MGST2: variants seen among roughly 807,000 people sequenced by gnomAD.
The protein encoded by MGST2 is glutathione peroxidase MGST2.
A neutral mutation model predicts 16.6 loss-of-function variants in MGST2; 9 were observed. The observed-to-expected ratio is 0.54, with a 90% CI of 0.33 to 0.95. The LOEUF (loss-of-function observed/expected upper bound fraction) is 0.95. Among genes scored for constraint, MGST2 ranks in the 40% least tolerant of loss-of-function variants. The pLI is 0.03. For missense variants in MGST2, 159 were observed against 175.1 expected (o/e 0.91, Z 0.52); for synonymous variants, 79 against 68.0 (o/e 1.16, Z -0.79).
At chr4:139,745,083 G>A (rs1729277693), downstream of MGST2, among the ~76,000 whole-genome samples, 1 of 152,186 alleles carries the variant, frequency 6.6e-6, no homozygotes, top group Non-Finnish European at 1.5e-5. Context: ...GGATTAGCAG[G>A]GACTTGACTG....
At chr4:139,709,513 G>C (rs1727659757) in intron 5 of MGST2, among the ~76,000 whole-genome samples, 1 of 152,216 alleles carries the variant, frequency 6.6e-6, no homozygotes, top group African/African-American at 2.4e-5. Flanking sequence ...GCTGTGTCCT[G>C]AGGCATTAAG....
At chr4:139,675,789 A>C (rs1338869906) in intron 1 of MGST2, among the ~76,000 whole-genome samples, 1 of 152,216 alleles carries the variant, frequency 6.6e-6, no homozygotes, top group Non-Finnish European at 1.5e-5. Flanking sequence ...TTTGGTCCAT[A>C]TTAGCCACAT....
chr4:139,725,806 C>T (rs749534320), intron 5 of MGST2: 2 of 1,613,966 alleles, frequency 1.2e-6, no homozygotes, highest in Non-Finnish European at 1.7e-6. Flanking sequence ...GCTGGAGGTG[C>T]TGCCGGGGTA....
At chr4:139,703,384 C>A in intron 3 of MGST2, 71 bp from the exon 4 acceptor site, 1 of 1,237,950 alleles carries the variant, frequency 8.1e-7, no homozygotes, top group South Asian at 1.2e-5. Context: ...TTTTCTCAGT[C>A]GTCGTACAAC....
intron 2 of MGST2, among the ~76,000 whole-genome samples, chr4:139,689,600 G>C (rs577977485): frequency 2.0e-5 from 3 of 152,188 alleles, no homozygotes; most frequent in African/African-American, 7.2e-5. Flanking sequence ...GCTCATGGCA[G>C]TGTACAGCCC....
chr4:139,694,068 T>C (rs749999038), intron 2 of MGST2, among the ~76,000 whole-genome samples: 3 of 152,154 alleles, frequency 2.0e-5, no homozygotes, highest in African/African-American at 4.8e-5. Context: ...GGAGTTATTA[T>C]TGGGGAGTTT....
chr4:139,749,893 C>T, the MGST2 span, among the ~76,000 whole-genome samples: 2 of 141,252 alleles, frequency 1.4e-5, no homozygotes, highest in Non-Finnish European at 3.0e-5. Flanking sequence ...GAACCCCCCC[C>T]CACCCTATTC....
intron 5 of MGST2, among the ~76,000 whole-genome samples, chr4:139,731,767 G>C (rs937469586): frequency 3.3e-5 from 5 of 152,210 alleles, no homozygotes; most frequent in African/African-American, 1.2e-4. Flanking sequence ...AAGTGGTAAA[G>C]ACCTAATTCC....
At chr4:139,701,612 C>T (rs1727254442) in intron 3 of MGST2, among the ~76,000 whole-genome samples, 2 of 152,074 alleles carry the variant, frequency 1.3e-5, no homozygotes, top group Non-Finnish European at 1.5e-5. Context: ...TCTCTGAAGT[C>T]AGGGAGCTTG....
At chr4:139,684,532 G>A (rs1731446932) in intron 2 of MGST2, among the ~76,000 whole-genome samples, 1 of 152,176 alleles carries the variant, frequency 6.6e-6, no homozygotes, top group African/African-American at 2.4e-5. Flanking sequence ...TTAAGAAAGA[G>A]GCATTAGAGA....
chr4:139,730,301 A>T, intron 5 of MGST2: 1 of 907,900 alleles, frequency 1.1e-6, no homozygotes, highest in Non-Finnish European at 1.7e-6. Flanking sequence ...GGGAAATGCT[A>T]GACCGTGAGC....
At chr4:139,719,999 C>T in intron 5 of MGST2, 1 of 1,614,094 alleles carries the variant, frequency 6.2e-7, no homozygotes, top group Non-Finnish European at 8.5e-7. Flanking sequence ...CTGACCAAAG[C>T]CACTCACCAT....
chr4:139,713,394 T>A (rs574925706), intron 5 of MGST2, among the ~76,000 whole-genome samples: 3 of 142,104 alleles, frequency 2.1e-5, no homozygotes, highest in Non-Finnish European at 4.5e-5. Flanking sequence ...CTGTGACACC[T>A]CCTTTGTTTT....
At chr4:139,726,145 G>C (rs111997291) in intron 5 of MGST2, among the ~76,000 whole-genome samples, 37 of 152,308 alleles carry the variant, frequency 2.4e-4, no homozygotes, top group African/African-American at 8.9e-4. Context: ...TAACAACATA[G>C]AGCAGTTATG....
chr4:139,699,020 A>G lies in MGST2; in HGVS notation c.229+3753A>G, dbSNP rs72946514. Among the ~76,000 whole-genome samples the G allele has an allele frequency of 3.3e-3, 496 of 152,342 alleles. 3 individuals are homozygous for G. Among genetic ancestry groups the G allele is most frequent in the African/African-American group, 0.011 (476 of 41,582 alleles). On this transcript the variant is annotated intron_variant, in intron 3 of 4. Coordinates refer to ENST00000265498, the MANE Select transcript of MGST2 (RefSeq NM_002413.5). ...TAGCAATCTGTATGGGTATCATGGC[A>G]TTATTCAAGGTTTATGGTATTGCAC...
chr4:139,682,304 G>C lies in MGST2; in HGVS notation c.158+3662G>C, dbSNP rs578004571. ...GTAAGAGGGTATGGGATGGGTTCCTGGGGGGTAAGTTGGGTGGTCTGTGAT... is the reference window on the plus strand; with the variant it reads ...GTAAGAGGGTATGGGATGGGTTCCTCGGGGGTAAGTTGGGTGGTCTGTGAT... On this transcript the variant is annotated intron_variant, in intron 2 of 4. Transcript: ENST00000265498. 2.6e-5 allele frequency among the ~76,000 whole-genome samples: 4 copies of C among 152,122 alleles called. No individual in the cohort carries two copies. In the South Asian group the frequency reaches 8.3e-4, roughly 32 times the overall value.
chr4:139,723,635 C>A (rs1390329254), intron 5 of MGST2, among the ~76,000 whole-genome samples: 5 of 151,986 alleles, frequency 3.3e-5, no homozygotes, highest in Admixed American at 3.3e-4. Context: ...TTAACTGGAC[C>A]CAAAACATTC....
intron 2 of MGST2, 66 bp from the exon 3 acceptor site, chr4:139,695,131 G>GA (rs1726843192): frequency 8.5e-7 from 1 of 1,175,916 alleles, no homozygotes; most frequent in Non-Finnish European, 1.3e-6. Flanking sequence ...ACCTCTAGAT[G>GA]AAAAATCAAT....
chr4:139,684,953 G>A (rs764806875), intron 2 of MGST2, among the ~76,000 whole-genome samples: 1 of 152,136 alleles, frequency 6.6e-6, no homozygotes, highest in Non-Finnish European at 1.5e-5. Context: ...GGGCAGCTAA[G>A]CCCTCCTTAT....
Sources: allele counts gnomAD v4.1 joint callset (sites outside exome capture counted in the v4.1 genomes callset), GRCh38; gene constraint gnomAD v4.1.1; transcripts MANE v1.5; gene names NCBI Gene and HGNC (gene_info 2026-07-23, HGNC 2026-07-21).